The following BRWD1 variants were observed in gnomAD, a reference collection of about 807,000 sequenced individuals.
The protein encoded by BRWD1 is bromodomain and WD repeat domain containing 1, also known as bromodomain and WD repeat-containing protein 1.
A neutral mutation model predicts 251.2 loss-of-function variants in BRWD1; 82 were observed. That is an observed-to-expected ratio of 0.33 (90% CI 0.27 to 0.39). The LOEUF (loss-of-function observed/expected upper bound fraction) is 0.39, where lower values mean the gene tolerates loss of function less well. Among genes scored for constraint, BRWD1 ranks in the 10% least tolerant of loss-of-function variants. The pLI is 1.00. For missense variants in BRWD1, 2,233 were observed against 2,711.6 expected (o/e 0.82, Z 3.92); for synonymous variants, 918 against 902.8 (o/e 1.02, Z -0.30).
intron 29 of BRWD1, 67 bp downstream of exon 29, chr21:39,224,341 C>T: frequency 1.1e-6 from 1 of 898,400 alleles, no homozygotes; most frequent in Non-Finnish European, 1.7e-6. Context: ...ATGTTTGTTC[C>T]ATGTGCACTG....
chr21:39,319,167 C>T (rs2036725533), intron 1 of BRWD1, among the ~76,000 whole-genome samples: 1 of 152,212 alleles, frequency 6.6e-6, no homozygotes, highest in South Asian at 2.1e-4. Flanking sequence ...TGATGCCCTT[C>T]CTCCACCTAC....
rs150887518 is a variant in BRWD1, at chr21:39,320,961, C to T, written n.534+65G>A. On this transcript the variant is annotated intron_variant and non_coding_transcript_variant, in intron 1 of 4. Coordinates refer to the BRWD1 transcript ENST00000470108. Reference sequence around the variant, plus strand: ...GGGATTACAGGCGTGAGCCACATGCCTGGCCAGAGTCATAACTTTTATATC... The same window carrying T: ...GGGATTACAGGCGTGAGCCACATGCTTGGCCAGAGTCATAACTTTTATATC... 859 of 152,084 alleles carry T rather than the reference C, an allele frequency of 5.6e-3. 4 individuals carry two copies. Among genetic ancestry groups the T allele is most frequent in the Non-Finnish European group, 9.6e-3 (654 of 68,026 alleles). The allele number at this position is 152,084 out of a possible 1,614,324, so 9.4% of individuals were successfully genotyped here. A position where few individuals can be genotyped will look rare whatever the true frequency, so the allele number is the denominator to read the frequency against.
intron 17 of BRWD1, among the ~76,000 whole-genome samples, chr21:39,262,692 C>G (rs911736331): frequency 4.6e-5 from 7 of 151,442 alleles, no homozygotes; most frequent in Non-Finnish European, 8.8e-5. Context: ...TCCAGTCTGC[C>G]GACGGAGCAA....
At chr21:39,267,577 C>A (rs1338648730) in intron 15 of BRWD1, among the ~76,000 whole-genome samples, 2 of 152,010 alleles carry the variant, frequency 1.3e-5, no homozygotes, top group African/African-American at 2.4e-5. Flanking sequence ...CCAGCCTGGG[C>A]GACAGAGAGA....
intron 8 of BRWD1, among the ~76,000 whole-genome samples, chr21:39,286,576 G>A (rs577770314): frequency 4.6e-5 from 7 of 150,868 alleles, no homozygotes; most frequent in Admixed American, 2.0e-4. Flanking sequence ...GTGCAGTGGC[G>A]CAATCTCTGC....
chr21:39,235,787 GC>G, intron 23 of BRWD1: 1 of 177,416 alleles, frequency 5.6e-6, no homozygotes. Flanking sequence ...CAGCCACTAT[GC>G]CCATCAGCCC....
intron 13 of BRWD1, among the ~76,000 whole-genome samples, chr21:39,272,130 A>G (rs1451784276): frequency 6.6e-6 from 1 of 151,442 alleles, no homozygotes; most frequent in African/African-American, 2.4e-5. Context: ...TGAGGGTAGA[A>G]TAATATTAAG....
upstream of BRWD1, chr21:39,314,658 C>T (rs2036658609): frequency 3.2e-6 from 1 of 312,050 alleles, no homozygotes; most frequent in South Asian, 2.6e-5. Context: ...TAAAGTACAG[C>T]AGTAACACTC....
chr21:39,279,638 C>CAAAAAAAAAAAAAAAAAAAAAAAAAAA (rs77282416), intron 9 of BRWD1, among the ~76,000 whole-genome samples: 2 of 66,890 alleles, frequency 3.0e-5, no homozygotes, highest in Non-Finnish European at 4.9e-5. Flanking sequence ...GACTCCATCT[C>CAAAAAAAAAAAAAAAAAAAAAAAAAAA]AAAAAAAAAA....
intron 20 of BRWD1, among the ~76,000 whole-genome samples, chr21:39,250,531 A>C (rs913472340): frequency 5.3e-5 from 8 of 152,006 alleles, no homozygotes; most frequent in Admixed American, 2.6e-4. Context: ...GAACCAAATG[A>C]CAATTCAGAA....
At chr21:39,304,319 A>C (rs1468198292) in intron 4 of BRWD1, among the ~76,000 whole-genome samples, 1 of 152,084 alleles carries the variant, frequency 6.6e-6, no homozygotes, top group Non-Finnish European at 1.5e-5. Context: ...AATTATGTTA[A>C]ATACAAATGA....
chr21:39,200,402 T>C lies in BRWD1; in HGVS notation c.4586-16A>G, dbSNP rs779124011. 6.2e-5 allele frequency: 100 copies of C among 1,605,880 alleles called. No homozygotes were observed. The highest frequency in any genetic ancestry group is 8.3e-5 in the Non-Finnish European group (97 of 1,175,602). Reference sequence around the variant, plus strand: ...ACTTCACTTTCTAGGAAAAATAAAGTGTAAATAGTTACATATATTCTCCTG... The same window carrying C: ...ACTTCACTTTCTAGGAAAAATAAAGCGTAAATAGTTACATATATTCTCCTG... On this transcript the variant is annotated splice_polypyrimidine_tract_variant and intron_variant, in intron 38 of 40. Transcript: ENST00000342449.
intron 8 of BRWD1, among the ~76,000 whole-genome samples, chr21:39,289,614 T>G (rs1213437368): frequency 6.6e-6 from 1 of 152,260 alleles, no homozygotes; most frequent in Non-Finnish European, 1.5e-5. Flanking sequence ...GCATTTAATA[T>G]ACTTTCATTC....
chr21:39,312,861 T>G lies in BRWD1; in HGVS notation c.178A>C (p.Asn60His), dbSNP rs2036541344. Residue 60 changes from asparagine to histidine, a missense_variant, in exon 4 of 41, where the codon AAC becomes CAC. Coordinates refer to ENST00000342449, the MANE Select transcript of BRWD1 (RefSeq NM_033656.4). ...CTCACCAACTCCTCGTAGCTCCTGT[T>G]GTGCTCGTTGCCCTCCCAGTCCAAT... ...KRLDWEGNEHNRSYEELVLSN... is the reference protein window; with the variant it reads ...KRLDWEGNEHHRSYEELVLSN... The G allele has an allele frequency of 6.4e-7, 1 of 1,565,780 alleles. No individual in the cohort carries two copies. Among genetic ancestry groups the G allele is most frequent in the Admixed American group, 1.8e-5 (1 of 55,874 alleles).
chr21:39,214,675 T>A (rs2032807193), intron 32 of BRWD1, among the ~76,000 whole-genome samples: 1 of 152,040 alleles, frequency 6.6e-6, no homozygotes, highest in Non-Finnish European at 1.5e-5. Flanking sequence ...ATATAAAATG[T>A]TAACCTAAGG....
At chr21:39,242,457 G>T (rs1476175326) in intron 21 of BRWD1, among the ~76,000 whole-genome samples, 2 of 152,210 alleles carry the variant, frequency 1.3e-5, no homozygotes, top group Non-Finnish European at 2.9e-5. Flanking sequence ...GGGAAAGAAG[G>T]CATGTCCATA....
At chr21:39,303,666 C>CA (rs36096633) in intron 4 of BRWD1, among the ~76,000 whole-genome samples, 36 of 149,778 alleles carry the variant, frequency 2.4e-4, no homozygotes, top group South Asian at 1.1e-3. Flanking sequence ...CCCATCTCTA[C>CA]AAAAAAAATA....
intron 31 of BRWD1, chr21:39,216,853 G>C (rs1486539061): frequency 4.9e-6 from 1 of 202,988 alleles, no homozygotes; most frequent in Non-Finnish European, 1.0e-5. Context: ...TTGTGCCACA[G>C]GGGTTGGCTA....
At chr21:39,202,624 AAGTAT>A (rs2032168757) in intron 37 of BRWD1, 79 bp from the exon 38 acceptor site, 3 of 945,284 alleles carry the variant, frequency 3.2e-6, no homozygotes, top group South Asian at 1.7e-5. Flanking sequence ...GACTAAATAG[AAGTAT>A]ATCATATTTC....
Sources: allele counts gnomAD v4.1 joint callset (sites outside exome capture counted in the v4.1 genomes callset), GRCh38; gene constraint gnomAD v4.1.1; transcripts MANE v1.5; gene names NCBI Gene and HGNC (gene_info 2026-07-23, HGNC 2026-07-21).